The following CCDC3 variants were observed in gnomAD, a reference collection of about 807,000 sequenced individuals.
CCDC3 encodes coiled-coil domain-containing protein 3.
A neutral mutation model predicts 21.4 loss-of-function variants in CCDC3; 24 were observed. The observed-to-expected ratio is 1.12, with a 90% CI of 0.81 to 1.58. The LOEUF (loss-of-function observed/expected upper bound fraction) is 1.58. Among genes scored for constraint, CCDC3 ranks in the 40% most tolerant of loss-of-function variants. The pLI is 0.00. For missense variants in CCDC3, 425 were observed against 360.9 expected, an observed-to-expected ratio of 1.18 and a Z score of -1.44; for synonymous variants, 186 against 166.0, an observed-to-expected ratio of 1.12 and a Z score of -0.93.
Position 13,001,600 on chromosome 10 carries a change from CG to C in CCDC3, c.-31del, listed in dbSNP as rs1348363483. 2.2e-5 allele frequency: 25 copies of C among 1,151,288 alleles called. No homozygotes were observed. The African/African-American group carries it at 3.9e-4, about 18-fold the overall frequency. 71.3% of individuals were successfully genotyped at this position (1,151,288 alleles called of 1,614,324 possible). On this transcript the variant is annotated 5_prime_UTR_variant, in exon 1 of 3. Transcript: ENST00000378825. The stretch of plus-strand genomic sequence containing the variant: ...GGCCCTCCCGGGGCGCACGGGGCGG[CG>C]GCGGGGAGCCCGGGGAGCCCGCCGG...
In CCDC3 at chr10:13,013,066, T is replaced by C. The variant is rs182074409; in HGVS notation, c.-1-14554A>G. Among the ~76,000 whole-genome samples, 490 of 152,338 alleles carry C rather than the reference T, an allele frequency of 3.2e-3. 3 individuals are homozygous for C. Among genetic ancestry groups the C allele is most frequent in the Non-Finnish European group, 4.9e-3 (331 of 68,030 alleles). The stretch of plus-strand genomic sequence containing the variant: ...TTTCTGGTAAATTTATCACATTTAT[T>C]CTTCAGAAGTTATTAAAACATTCAG... On this transcript the variant is annotated intron_variant, in intron 5 of 6. Transcript: ENST00000378839.
chr10:12,996,060 G>T (rs1351628705), intron 2 of CCDC3, among the ~76,000 whole-genome samples: 1 of 152,144 alleles, frequency 6.6e-6, no homozygotes, highest in Non-Finnish European at 1.5e-5. Context: ...CACAAGATGG[G>T]GAACAAAAGG....
At chr10:12,951,671 G>A (rs1297938806) in intron 2 of CCDC3, among the ~76,000 whole-genome samples, 1 of 152,022 alleles carries the variant, frequency 6.6e-6, no homozygotes, top group Non-Finnish European at 1.5e-5. Context: ...TGGGTGTGAT[G>A]GCATGCGCCT....
chr10:12,967,813 A>T (rs1439427413), intron 2 of CCDC3, among the ~76,000 whole-genome samples: 1 of 152,166 alleles, frequency 6.6e-6, no homozygotes, highest in Non-Finnish European at 1.5e-5. Flanking sequence ...AAGAAAGTCA[A>T]AGTTCTCTAA....
chr10:13,096,552 G>A (rs1316572285), intron 3 of CCDC3, among the ~76,000 whole-genome samples: 7 of 152,042 alleles, frequency 4.6e-5, no homozygotes, highest in Non-Finnish European at 1.0e-4. Flanking sequence ...GAGAGGGGAG[G>A]TCTCCTTCCC....
At position 13,056,564 on chromosome 10, in the gene CCDC3, T is replaced by C. The variant is rs115161225; in HGVS notation, c.-269-6623A>G. Among the ~76,000 whole-genome samples the C allele has an allele frequency of 1.8e-3, 272 of 151,992 alleles. 1 individual carries two copies. The highest frequency in any genetic ancestry group is 6.3e-3 in the African/African-American group (262 of 41,446). The stretch of plus-strand genomic sequence containing the variant: ...GAGGAGGGCGAGTGCCTCAAGAAAA[T>C]TATAGGAGTGTTTAGCAGGAAGATT... On this transcript the variant is annotated intron_variant, in intron 4 of 6. Coordinates refer to the CCDC3 transcript ENST00000378839.
At chr10:13,096,103 T>TTTCC (rs145259198) in intron 3 of CCDC3, among the ~76,000 whole-genome samples, 3,601 of 151,622 alleles carry the variant, frequency 0.024, 61 homozygotes, top group Non-Finnish European at 0.034. Flanking sequence ...TTTCTTTTCT[T>TTTCC]TTCCTTCCTT....
chr10:13,098,813 T>C lies in CCDC3; in HGVS notation c.-580-211A>G, dbSNP rs1042764827. ...CTCGCTGCAAGCTCTGCCTCCCGGG[T>C]TCAAGCGATTCTTCTGCCTTAGCCT... On this transcript the variant is annotated intron_variant, in intron 2 of 6. Transcript: ENST00000378839. 4.3e-5 allele frequency among the ~76,000 whole-genome samples: 6 copies of C among 139,338 alleles called. No individual in the cohort carries two copies. In the Admixed American group the frequency reaches 4.8e-4, roughly 11 times the overall value. The allele number at this position is 139,338 out of a possible 152,430, so 91.4% of individuals were successfully genotyped here. A position where few individuals can be genotyped will look rare whatever the true frequency, so the allele number is the denominator to read the frequency against.
intron 5 of CCDC3, among the ~76,000 whole-genome samples, chr10:13,038,993 T>G (rs907677471): frequency 3.3e-5 from 5 of 151,978 alleles, no homozygotes; most frequent in Admixed American, 6.6e-5. Context: ...GTCCCTGGAG[T>G]AGATAATGTA....
At chr10:12,903,450 G>C (rs1006212278) in intron 2 of CCDC3, among the ~76,000 whole-genome samples, 2 of 152,232 alleles carry the variant, frequency 1.3e-5, no homozygotes, top group Non-Finnish European at 2.9e-5. Context: ...TACGCTATTT[G>C]CTCAATTTGC....
rs1459483685 is a variant in CCDC3 at position 13,033,536 on chromosome 10, C to T, written c.-2+16138G>A. Among the ~76,000 whole-genome samples, 2 of 152,080 alleles carry T rather than the reference C, an allele frequency of 1.3e-5. 1 individual carries two copies. Among genetic ancestry groups the T allele is most frequent in the East Asian group, 3.8e-4 (2 of 5,196 alleles). ...AGCTTCTGCACAGCAAAAGAAACTA[C>T]CATCAGAGTGAACAGGCAACCTACA... On this transcript the variant is annotated intron_variant, in intron 5 of 6. Coordinates refer to the CCDC3 transcript ENST00000378839.
intron 3 of CCDC3, among the ~76,000 whole-genome samples, chr10:13,087,404 C>CA (rs56772902): frequency 0.24 from 30,291 of 125,534 alleles, 3,646 homozygotes; most frequent in East Asian, 0.38. Flanking sequence ...AACTCCATCT[C>CA]AAAAAAAAAA....
At chr10:13,016,610 C>T (rs200376524) in intron 5 of CCDC3, among the ~76,000 whole-genome samples, 4 of 151,870 alleles carry the variant, frequency 2.6e-5, no homozygotes, top group East Asian at 1.9e-4. Context: ...TCCCTTCCCC[C>T]GGGGTCACAT....
chr10:12,923,816 G>GGT (rs2131219334), intron 2 of CCDC3, among the ~76,000 whole-genome samples: 1 of 152,282 alleles, frequency 6.6e-6, no homozygotes, highest in South Asian at 2.1e-4. Context: ...CAAGTCAATA[G>GGT]TGCTATTCTG....
chr10:13,069,123 C>A (rs1346795927), intron 4 of CCDC3, among the ~76,000 whole-genome samples: 2 of 152,200 alleles, frequency 1.3e-5, no homozygotes, highest in African/African-American at 4.8e-5. Context: ...GGCGTGGTGG[C>A]ACATGCCTGT....
At chr10:12,985,881 ATTTG>A (rs1835581977) in intron 2 of CCDC3, among the ~76,000 whole-genome samples, 1 of 152,004 alleles carries the variant, frequency 6.6e-6, no homozygotes, top group South Asian at 2.1e-4. Context: ...CGAGTTTTTT[ATTTG>A]TTTGTTTTGG....
intron 2 of CCDC3, among the ~76,000 whole-genome samples, chr10:12,980,841 G>A (rs551304064): frequency 4.6e-5 from 7 of 151,936 alleles, no homozygotes; most frequent in Admixed American, 2.0e-4. Context: ...AGCTACAGGG[G>A]ACTTTGGAAA....
intron 3 of CCDC3, among the ~76,000 whole-genome samples, chr10:13,090,024 T>C (rs1279514288): frequency 3.4e-5 from 5 of 146,322 alleles, no homozygotes; most frequent in African/African-American, 1.3e-4. Context: ...GGCTGAGTAG[T>C]ATTCCGTTAG....
intron 3 of CCDC3, among the ~76,000 whole-genome samples, chr10:13,087,125 C>T (rs1837120696): frequency 6.6e-6 from 1 of 152,188 alleles, no homozygotes; most frequent in Admixed American, 6.5e-5. Flanking sequence ...AGGAACAAGG[C>T]CGGGCATGGT....
Sources: allele counts gnomAD v4.1 joint callset (sites outside exome capture counted in the v4.1 genomes callset), GRCh38; gene constraint gnomAD v4.1.1; transcripts MANE v1.5; gene names NCBI Gene and HGNC (gene_info 2026-07-23, HGNC 2026-07-21).